Variants in SLC14A2 observed in about 807,000 individuals in gnomAD.
The protein encoded by SLC14A2 is urea transporter 2.
SLC14A2 carries 91 observed loss-of-function variants against 104.6 expected under a neutral mutation model. The ratio of observed to expected loss-of-function variants is 0.87; its 90% CI spans 0.73 to 1.04. The LOEUF (loss-of-function observed/expected upper bound fraction) is 1.04, where lower values mean the gene tolerates loss of function less well. Ranked by LOEUF, SLC14A2 falls within the 50% of genes least tolerant of loss-of-function variation. SLC14A2 has a pLI of 0.00. For synonymous variants in SLC14A2, 476 were observed against 466.4 expected (o/e 1.02, Z -0.27); for missense variants, 1,189 against 1,156.0 (o/e 1.03, Z -0.41).
chr18:45,632,372 C>T lies in SLC14A2; in HGVS notation c.544C>T (p.His182Tyr), dbSNP rs2045358810. 1 of 1,613,498 alleles carries T rather than the reference C, an allele frequency of 6.2e-7. No homozygotes were observed. The change falls in exon 5 of 20, where the codon CAT (histidine) becomes TAT (tyrosine). Residue 182 changes from histidine to tyrosine, a missense_variant. Transcript: ENST00000255226. ...CAGGTCTGCCATTGCCTCAGGACTC[C>T]ATGGGTACAACGGGATGCTGGTGGG... ...QDRSAIASGL[H>Y]GYNGMLVGLL...
rs2045582971 is a variant in SLC14A2 at position 45,644,245 on chromosome 18, G to T, written c.1351+85G>T. 8.0e-6 allele frequency: 11 copies of T among 1,379,778 alleles called. No homozygotes were observed. In the South Asian group the frequency reaches 1.4e-4, roughly 18 times the overall value. The allele number at this position is 1,379,778 out of a possible 1,614,324, so 85.5% of individuals were successfully genotyped here. On this transcript the variant is annotated intron_variant, in intron 10 of 19. Coordinates refer to ENST00000255226, the MANE Select transcript of SLC14A2 (RefSeq NM_007163.4). Reference sequence around the variant, plus strand: ...GTTCTCTGCTCTGGTTCAATCAGTTGCAGCACTCACCTTCTTTGCCTCTCC... The same window carrying T: ...GTTCTCTGCTCTGGTTCAATCAGTTTCAGCACTCACCTTCTTTGCCTCTCC...
chr18:45,445,129 T>C (rs1394498084), intron 1 of SLC14A2, among the ~76,000 whole-genome samples: 7 of 136,050 alleles, frequency 5.1e-5, no homozygotes, highest in Non-Finnish European at 9.9e-5. Context: ...TTTTTTTTTT[T>C]AAGACGGAGT....
intron 2 of SLC14A2, among the ~76,000 whole-genome samples, chr18:45,488,671 C>T (rs1420302222): frequency 6.6e-6 from 1 of 152,146 alleles, no homozygotes; most frequent in Non-Finnish European, 1.5e-5. Context: ...GCTCTGGTCA[C>T]CTGAGTAGCA....
At chr18:45,620,313 A>C (rs1385977515) in intron 1 of SLC14A2, among the ~76,000 whole-genome samples, 1 of 152,172 alleles carries the variant, frequency 6.6e-6, no homozygotes, top group Non-Finnish European at 1.5e-5. Context: ...TCTAACCTTG[A>C]CTCTGCAGCA....
At chr18:45,410,427 G>A (rs1320181931) in intron 1 of SLC14A2, among the ~76,000 whole-genome samples, 1 of 152,036 alleles carries the variant, frequency 6.6e-6, no homozygotes, top group East Asian at 1.9e-4. Context: ...AGGTTTAGTA[G>A]CATTTACTAC....
intron 2 of SLC14A2, among the ~76,000 whole-genome samples, chr18:45,595,900 A>G (rs2044713580): frequency 6.6e-6 from 1 of 152,168 alleles, no homozygotes; most frequent in Non-Finnish European, 1.5e-5. Context: ...CAGGGTGTTC[A>G]TTGAGGAGGG....
intron 2 of SLC14A2, among the ~76,000 whole-genome samples, chr18:45,571,933 C>T (rs775464927): frequency 1.2e-4 from 18 of 152,190 alleles, no homozygotes; most frequent in African/African-American, 4.1e-4. Context: ...GGCAGTGGTT[C>T]ACTCCCTGGC....
At chr18:45,275,046 G>C (rs185225764) in intron 1 of SLC14A2, among the ~76,000 whole-genome samples, 1 of 152,194 alleles carries the variant, frequency 6.6e-6, no homozygotes, top group East Asian at 1.9e-4. Context: ...ATATTTCTCT[G>C]TAATACTTTA....
intron 1 of SLC14A2, among the ~76,000 whole-genome samples, chr18:45,426,353 AT>A (rs1170556000): frequency 1.3e-5 from 2 of 151,890 alleles, no homozygotes; most frequent in Non-Finnish European, 2.9e-5. Context: ...CGTAATCGTG[AT>A]TTTTCAACTG....
the SLC14A2 span, among the ~76,000 whole-genome samples, chr18:45,187,997 G>A: frequency 6.6e-6 from 1 of 152,076 alleles, no homozygotes; most frequent in Non-Finnish European, 1.5e-5. Flanking sequence ...TACTTAGGAA[G>A]TGTCCTGTCA....
intron 1 of SLC14A2, among the ~76,000 whole-genome samples, chr18:45,392,212 C>A (rs938266437): frequency 6.6e-6 from 1 of 152,194 alleles, no homozygotes; most frequent in African/African-American, 2.4e-5. Flanking sequence ...CTGTGGCCCC[C>A]CAGAGAACCT....
intron 1 of SLC14A2, among the ~76,000 whole-genome samples, chr18:45,303,761 T>G (rs2084990637): frequency 6.6e-6 from 1 of 152,250 alleles, no homozygotes; most frequent in African/African-American, 2.4e-5. Flanking sequence ...TAAATGTGTC[T>G]GTTATCAATA....
At chr18:45,380,354 A>G (rs1415131820) in intron 1 of SLC14A2, among the ~76,000 whole-genome samples, 1 of 152,214 alleles carries the variant, frequency 6.6e-6, no homozygotes, top group African/African-American at 2.4e-5. Context: ...AATAGAGAGC[A>G]CACACCATGA....
At chr18:45,282,284 GGGGTGCTTTAGTTACGAGTCATA>G (rs1019868547) in intron 1 of SLC14A2, among the ~76,000 whole-genome samples, 1 of 152,122 alleles carries the variant, frequency 6.6e-6, no homozygotes, top group African/African-American at 2.4e-5. Context: ...ACCAGCAGCT[GGGGTGCTTTAGTTACGAGTCATA>G]GGGTGCTCAA....
intron 1 of SLC14A2, among the ~76,000 whole-genome samples, chr18:45,229,146 A>G (rs1372828580): frequency 1.3e-5 from 2 of 152,140 alleles, no homozygotes; most frequent in East Asian, 1.9e-4. Context: ...CCTCAATAAA[A>G]TACGTTCAAG....
rs562513771 is a variant in SLC14A2, at chr18:45,250,500, T to C, written c.-125+37309T>C. 2.6e-5 allele frequency among the ~76,000 whole-genome samples: 4 copies of C among 152,308 alleles called. No individual in the cohort carries two copies. The South Asian group carries it at 8.3e-4, about 32-fold the overall frequency. On this transcript the variant is annotated intron_variant, in intron 1 of 20. Coordinates refer to the SLC14A2 transcript ENST00000586448. ...TTTGTGCTAATTTTTATGACTCTTG[T>C]TTTCTCTCTCACTTTGAGTTTTTCC...
rs138852478 is a variant in SLC14A2, at chr18:45,241,692, G to A, written c.-125+28501G>A. Among the ~76,000 whole-genome samples, 591 of 138,810 alleles carry A rather than the reference G, an allele frequency of 4.3e-3. 5 individuals carry two copies. Among genetic ancestry groups the A allele is most frequent in the African/African-American group, 0.015 (539 of 36,732 alleles). The allele number at this position is 138,810 out of a possible 152,430, so 91.1% of individuals were successfully genotyped here. ...GAGTTTCACTCTTGTTGCCCAGGCT[G>A]GAATGCAATGGCACAATCTCGGCTC... On this transcript the variant is annotated intron_variant, in intron 1 of 20. Coordinates refer to the SLC14A2 transcript ENST00000586448.
intron 1 of SLC14A2, among the ~76,000 whole-genome samples, chr18:45,396,368 C>A (rs766618138): frequency 6.6e-6 from 1 of 152,146 alleles, no homozygotes; most frequent in East Asian, 1.9e-4. Context: ...ATAGACTTTT[C>A]TCCATCTTTG....
At chr18:45,254,689 C>T (rs2084458011) in intron 1 of SLC14A2, among the ~76,000 whole-genome samples, 1 of 152,118 alleles carries the variant, frequency 6.6e-6, no homozygotes, top group African/African-American at 2.4e-5. Flanking sequence ...TTCTTTATTT[C>T]AGCAATCTCG....
Sources: allele counts gnomAD v4.1 joint callset (sites outside exome capture counted in the v4.1 genomes callset), GRCh38; gene constraint gnomAD v4.1.1; transcripts MANE v1.5; gene names NCBI Gene and HGNC (gene_info 2026-07-23, HGNC 2026-07-21).